Variants in RABGAP1L observed in about 807,000 individuals in gnomAD.
The protein encoded by RABGAP1L is rab GTPase-activating protein 1-like.
RABGAP1L carries 63 observed loss-of-function variants against 137.7 expected under a neutral mutation model. The ratio of observed to expected loss-of-function variants is 0.46; its 90% CI spans 0.37 to 0.56. The LOEUF is 0.56. Among genes scored for constraint, RABGAP1L ranks in the 20% least tolerant of loss-of-function variants. RABGAP1L has a pLI of 0.00. For missense variants in RABGAP1L, 1,095 were observed against 1,244.0 expected, an observed-to-expected ratio of 0.88 and a Z score of 1.80; for synonymous variants, 431 against 433.7, an observed-to-expected ratio of 0.99 and a Z score of 0.08.
chr1:174,519,546 C>G (rs1663181162), intron 13 of RABGAP1L, among the ~76,000 whole-genome samples: 1 of 152,188 alleles, frequency 6.6e-6, no homozygotes, highest in Non-Finnish European at 1.5e-5. Context: ...TCTCCTTTGG[C>G]AACACCCTCA....
At chr1:174,399,625 G>A (rs887870055) in intron 13 of RABGAP1L, among the ~76,000 whole-genome samples, 2 of 152,156 alleles carry the variant, frequency 1.3e-5, no homozygotes, top group Admixed American at 1.3e-4. Flanking sequence ...ACCTACCTGA[G>A]ACTGGGCAAT....
chr1:174,723,867 TAGG>T (rs1028231143), intron 17 of RABGAP1L, among the ~76,000 whole-genome samples: 1 of 152,186 alleles, frequency 6.6e-6, no homozygotes, highest in Admixed American at 6.5e-5. Flanking sequence ...GTTATATAAA[TAGG>T]AGGCCACTGA....
intron 19 of RABGAP1L, among the ~76,000 whole-genome samples, chr1:174,815,110 A>C (rs1690255983): frequency 6.6e-6 from 1 of 152,212 alleles, no homozygotes; most frequent in South Asian, 2.1e-4. Context: ...TTGAAAAAAC[A>C]CTAAGACCTA....
intron 11 of RABGAP1L, among the ~76,000 whole-genome samples, chr1:174,328,539 G>A (rs1348586673): frequency 6.6e-6 from 1 of 152,128 alleles, no homozygotes; most frequent in Non-Finnish European, 1.5e-5. Context: ...GGAGGCCAAG[G>A]CAGGTGAATC....
chr1:174,939,231 C>A (rs1252709448), intron 19 of RABGAP1L, among the ~76,000 whole-genome samples: 1 of 152,042 alleles, frequency 6.6e-6, no homozygotes, highest in Non-Finnish European at 1.5e-5. Context: ...TTCTAACTTT[C>A]CTCTCATGTT....
intron 1 of RABGAP1L, among the ~76,000 whole-genome samples, chr1:174,190,572 G>A (rs1451825637): frequency 6.6e-6 from 1 of 152,120 alleles, no homozygotes; most frequent in African/African-American, 2.4e-5. Flanking sequence ...CTCTGGATTG[G>A]GATTTGGCTT....
Position 174,851,398 on chromosome 1 carries a change from T to C in RABGAP1L, c.2340+39438T>C, listed in dbSNP as rs980407404. Among the ~76,000 whole-genome samples the C allele has an allele frequency of 3.3e-5, 5 of 152,134 alleles. 1 individual carries two copies. Among genetic ancestry groups the C allele is most frequent in the Non-Finnish European group, 7.4e-5 (5 of 68,024 alleles). ...GTGCCATAAGTAGAATATGCTCTGCTGTCTTTTCATTACTTTCTCCAATTG... is the reference window on the plus strand; with the variant it reads ...GTGCCATAAGTAGAATATGCTCTGCCGTCTTTTCATTACTTTCTCCAATTG... On this transcript the variant is annotated intron_variant, in intron 19 of 25. Coordinates refer to ENST00000681986, the MANE Select transcript of RABGAP1L (RefSeq NM_001366446.1).
At chr1:174,195,715 T>TCTC (rs1558021665) in intron 1 of RABGAP1L, among the ~76,000 whole-genome samples, 2 of 95,398 alleles carry the variant, frequency 2.1e-5, no homozygotes, top group African/African-American at 9.7e-5. Context: ...CTTCTTTCTT[T>TCTC]TCTTTCTTTT....
At chr1:174,637,921 C>T (rs1674193735) in intron 14 of RABGAP1L, among the ~76,000 whole-genome samples, 1 of 152,222 alleles carries the variant, frequency 6.6e-6, no homozygotes, top group South Asian at 2.1e-4. Context: ...TGAGTTACGT[C>T]ACATCATATA....
chr1:174,400,134 A>G (rs145009878), intron 13 of RABGAP1L, among the ~76,000 whole-genome samples: 1 of 152,338 alleles, frequency 6.6e-6, no homozygotes, highest in East Asian at 1.9e-4. Flanking sequence ...TTGTATGGCT[A>G]TCAATACATC....
chr1:174,468,985 A>G (rs1657608719), intron 13 of RABGAP1L, among the ~76,000 whole-genome samples: 1 of 152,162 alleles, frequency 6.6e-6, no homozygotes, highest in Admixed American at 6.5e-5. Flanking sequence ...CTGGGGGTTT[A>G]TGTTTTTCCT....
chr1:174,249,654 T>C lies in RABGAP1L; in HGVS notation c.718-821T>C, dbSNP rs1283891864. The stretch of plus-strand genomic sequence containing the variant: ...TCCTTCTTTCTTTCTTTCTTTCTTT[T>C]TTTTTTTTGGAGACAGAGTCTTGCT... On this transcript the variant is annotated intron_variant, in intron 5 of 25. Coordinates refer to ENST00000681986, the MANE Select transcript of RABGAP1L (RefSeq NM_001366446.1). 7.9e-5 allele frequency among the ~76,000 whole-genome samples: 12 copies of C among 151,346 alleles called. 1 individual carries two copies. The highest frequency in any genetic ancestry group is 2.9e-4 in the African/African-American group (12 of 41,294).
intron 19 of RABGAP1L, among the ~76,000 whole-genome samples, chr1:174,839,167 A>G (rs1693120681): frequency 6.6e-6 from 1 of 151,992 alleles, no homozygotes; most frequent in African/African-American, 2.4e-5. Context: ...TTACTTATCT[A>G]TTGGATTCTG....
intron 14 of RABGAP1L, among the ~76,000 whole-genome samples, chr1:174,652,583 G>A (rs1361818723): frequency 6.6e-6 from 1 of 152,170 alleles, no homozygotes; most frequent in Non-Finnish European, 1.5e-5. Context: ...GGAGTTTGCT[G>A]GAGGTCCATT....
chr1:174,687,169 C>T (rs1303522709), intron 15 of RABGAP1L, among the ~76,000 whole-genome samples: 1 of 152,006 alleles, frequency 6.6e-6, no homozygotes, highest in Admixed American at 6.6e-5. Flanking sequence ...GAGAGAGATT[C>T]AAATAACGAG....
intron 14 of RABGAP1L, among the ~76,000 whole-genome samples, chr1:174,643,935 GTGTGTGTA>G (rs939342795): frequency 3.0e-5 from 4 of 134,580 alleles, no homozygotes; most frequent in South Asian, 2.2e-4. Flanking sequence ...GTGTGTGTGT[GTGTGTGTA>G]TGTATGTATG....
intron 13 of RABGAP1L, among the ~76,000 whole-genome samples, chr1:174,560,022 C>G (rs1249240602): frequency 6.6e-6 from 1 of 151,986 alleles, no homozygotes; most frequent in Non-Finnish European, 1.5e-5. Context: ...GTAATCCCAG[C>G]TACTTGGGGG....
chr1:174,425,760 C>A (rs1025303259), intron 13 of RABGAP1L, among the ~76,000 whole-genome samples: 12 of 152,038 alleles, frequency 7.9e-5, no homozygotes, highest in African/African-American at 2.9e-4. Flanking sequence ...TAACTCTGTT[C>A]ATGTTGGTTA....
chr1:174,327,996 T>TACATAC (rs1439350966), intron 11 of RABGAP1L, among the ~76,000 whole-genome samples: 9 of 91,558 alleles, frequency 9.8e-5, no homozygotes, highest in African/African-American at 4.9e-4. Context: ...CATATATATA[T>TACATAC]ATATATATAT....
Sources: allele counts gnomAD v4.1 joint callset (sites outside exome capture counted in the v4.1 genomes callset), GRCh38; gene constraint gnomAD v4.1.1; transcripts MANE v1.5; gene names NCBI Gene and HGNC (gene_info 2026-07-23, HGNC 2026-07-21).